Variants in RNF150 observed in about 807,000 individuals in gnomAD.
RNF150 encodes the protein ring finger protein 150.
Under a neutral mutation model 39.3 loss-of-function variants are expected in RNF150, and 24 were observed. The ratio of observed to expected loss-of-function variants is 0.61; its 90% CI spans 0.44 to 0.86. RNF150 has a LOEUF of 0.86. RNF150 is among the 40% of genes least tolerant of loss of function. The pLI, the probability that RNF150 is intolerant of heterozygous loss-of-function variation, is 0.00. For synonymous variants in RNF150, 255 were observed against 227.3 expected, an observed-to-expected ratio of 1.12 and a Z score of -1.10; for missense variants, 502 against 587.8, an observed-to-expected ratio of 0.85 and a Z score of 1.51.
chr4:141,125,288 C>T (rs752608566), intron 1 of RNF150, among the ~76,000 whole-genome samples: 8 of 143,828 alleles, frequency 5.6e-5, no homozygotes, highest in Admixed American at 1.4e-4. Context: ...TTTAATAGAA[C>T]GATTGTAAAT....
At chr4:140,985,932 G>A (rs1734002166) in intron 1 of RNF150, among the ~76,000 whole-genome samples, 1 of 151,976 alleles carries the variant, frequency 6.6e-6, no homozygotes, top group South Asian at 2.1e-4. Context: ...GCTAGTCTAG[G>A]GGGCACAATC....
chr4:141,171,864 C>T (rs1202861065), intron 1 of RNF150, among the ~76,000 whole-genome samples: 1 of 152,170 alleles, frequency 6.6e-6, no homozygotes, highest in African/African-American at 2.4e-5. Context: ...CCAAAGCCCC[C>T]TTGAAGAACT....
chr4:141,111,483 T>C lies in RNF150; in HGVS notation c.484+20842A>G, dbSNP rs147715402. Among the ~76,000 whole-genome samples, 701 of 152,256 alleles carry C rather than the reference T, an allele frequency of 4.6e-3. 26 individuals are homozygous for C. The highest frequency in any genetic ancestry group is 0.038 in the Admixed American group (577 of 15,280). On this transcript the variant is annotated intron_variant, in intron 1 of 6. Transcript: ENST00000515673. ...ATTAACCATAATGTATAAGCTTGCA[T>C]TGCGAGGGCCTTCTTGGCTTACTTG... is the stretch of plus-strand genomic sequence containing the variant.
chr4:140,994,919 T>G (rs1374794231), intron 1 of RNF150, among the ~76,000 whole-genome samples: 1 of 152,208 alleles, frequency 6.6e-6, no homozygotes, highest in Non-Finnish European at 1.5e-5. Flanking sequence ...CATACAATGC[T>G]TAATAATAAT....
chr4:140,940,444 A>C (rs1453099416), intron 4 of RNF150, among the ~76,000 whole-genome samples: 1 of 152,118 alleles, frequency 6.6e-6, no homozygotes, highest in African/African-American at 2.4e-5. Context: ...TAGTTAGGCA[A>C]ATAAATTATG....
intron 1 of RNF150, among the ~76,000 whole-genome samples, chr4:140,995,095 A>G (rs1304837297): frequency 2.0e-5 from 3 of 152,134 alleles, no homozygotes; most frequent in Non-Finnish European, 1.5e-5. Context: ...CTATCTAATT[A>G]TATTTTTTGT....
At chr4:141,211,272 T>C (rs1728459959) in intron 1 of RNF150, among the ~76,000 whole-genome samples, 1 of 152,200 alleles carries the variant, frequency 6.6e-6, no homozygotes, top group African/African-American at 2.4e-5. Context: ...TTATTTTATA[T>C]GTTTGATAAT....
intron 6 of RNF150, among the ~76,000 whole-genome samples, chr4:140,905,123 GA>G (rs1204256915): frequency 6.6e-6 from 1 of 152,162 alleles, no homozygotes; most frequent in Admixed American, 6.5e-5. Flanking sequence ...GAGCTGGCAT[GA>G]AAACCACTTT....
chr4:141,010,940 C>A (rs1305478094), intron 1 of RNF150, among the ~76,000 whole-genome samples: 1 of 152,152 alleles, frequency 6.6e-6, no homozygotes, highest in Non-Finnish European at 1.5e-5. Flanking sequence ...CGCAGGCTCC[C>A]TCTTGCCTGA....
intron 1 of RNF150, among the ~76,000 whole-genome samples, chr4:141,101,000 T>G (rs1214733260): frequency 6.6e-6 from 1 of 152,232 alleles, no homozygotes; most frequent in Non-Finnish European, 1.5e-5. Flanking sequence ...AAAGTTGCTT[T>G]GAGTGAGTGG....
At chr4:141,000,282 G>A (rs1194153062) in intron 1 of RNF150, among the ~76,000 whole-genome samples, 2 of 152,160 alleles carry the variant, frequency 1.3e-5, no homozygotes, top group African/African-American at 4.8e-5. Context: ...AGAGCAAAAT[G>A]TTATATGCAG....
At position 140,977,363 on chromosome 4, in the gene RNF150, G is replaced by A. The variant is rs550765752; in HGVS notation, c.485-9490C>T. 1.6e-3 allele frequency among the ~76,000 whole-genome samples: 242 copies of A among 152,188 alleles called. 10 individuals are homozygous for A. The South Asian group carries it at 0.047, about 30-fold the overall frequency. ...ATAAGAATTTTATTTGAGTTATAAC[G>A]AAGCAAAGGCCTTCTTTTGGTCTTA... On this transcript the variant is annotated intron_variant, in intron 1 of 6. Coordinates refer to ENST00000515673, the MANE Select transcript of RNF150 (RefSeq NM_020724.2).
chr4:141,053,551 A>T (rs1004823641), intron 1 of RNF150: 9 of 482,642 alleles, frequency 1.9e-5, no homozygotes, highest in Non-Finnish European at 3.0e-5. Flanking sequence ...AAGACAAGAA[A>T]TGTTATTTAA....
intron 1 of RNF150, among the ~76,000 whole-genome samples, chr4:141,053,957 T>C (rs1454453259): frequency 1.3e-5 from 2 of 152,172 alleles, no homozygotes; most frequent in African/African-American, 2.4e-5. Flanking sequence ...CTATACTTTT[T>C]TTCTTCACTC....
chr4:141,170,846 T>G lies in RNF150; in HGVS notation c.-6+41948A>C, dbSNP rs9994996. ...AAGAATGTGATTGTTATAAGTGTGGTGTCAAAAGGACAGCAGTGTCTCCAC... is the reference window on the plus strand; with the variant it reads ...AAGAATGTGATTGTTATAAGTGTGGGGTCAAAAGGACAGCAGTGTCTCCAC... On this transcript the variant is annotated intron_variant, in intron 1 of 7. Coordinates refer to the RNF150 transcript ENST00000420921. 4.6e-3 allele frequency among the ~76,000 whole-genome samples: 695 copies of G among 152,314 alleles called. 3 individuals are homozygous for G. Among genetic ancestry groups the G allele is most frequent in the African/African-American group, 0.016 (655 of 41,544 alleles).
At chr4:141,077,224 C>T (rs1356084202) in intron 1 of RNF150, among the ~76,000 whole-genome samples, 2 of 152,110 alleles carry the variant, frequency 1.3e-5, no homozygotes, top group Non-Finnish European at 2.9e-5. Flanking sequence ...AGCAGCTTTA[C>T]ATATAATGGC....
At chr4:140,961,266 G>T (rs1733012469) in intron 2 of RNF150, among the ~76,000 whole-genome samples, 1 of 152,136 alleles carries the variant, frequency 6.6e-6, no homozygotes, top group Non-Finnish European at 1.5e-5. Flanking sequence ...GAATTGAAAT[G>T]ATCTTCTCCA....
chr4:141,020,984 G>T (rs573361569), intron 1 of RNF150, among the ~76,000 whole-genome samples: 35 of 152,270 alleles, frequency 2.3e-4, no homozygotes, highest in African/African-American at 8.4e-4. Flanking sequence ...GAGGAAAGGA[G>T]ACCTCAGAAT....
At chr4:141,146,551 T>C (rs1227182016) in intron 1 of RNF150, among the ~76,000 whole-genome samples, 1 of 150,274 alleles carries the variant, frequency 6.7e-6, no homozygotes, top group Non-Finnish European at 1.5e-5. Context: ...TTAAGAGTAA[T>C]ATGCAACAAC....
Sources: gnomAD v4.1 joint callset for allele counts (sites outside exome capture counted in the v4.1 genomes callset) on GRCh38, gnomAD v4.1.1 for gene constraint, MANE v1.5 for transcripts, NCBI Gene and HGNC (gene_info 2026-07-23, HGNC 2026-07-21) for gene names.